Variants in JAKMIP1 observed in about 807,000 individuals in gnomAD.
JAKMIP1 encodes the protein janus kinase and microtubule-interacting protein 1.
A neutral mutation model predicts 113.0 loss-of-function variants in JAKMIP1; 33 were observed. The observed-to-expected ratio is 0.29, with a 90% CI of 0.22 to 0.39. JAKMIP1 has a LOEUF of 0.39. Among genes scored for constraint, JAKMIP1 ranks in the 10% least tolerant of loss-of-function variants. JAKMIP1 has a pLI of 1.00. For missense variants in JAKMIP1, 813 were observed against 1,080.5 expected, an observed-to-expected ratio of 0.75 and a Z score of 3.47; for synonymous variants, 480 against 459.9, an observed-to-expected ratio of 1.04 and a Z score of -0.56.
intron 1 of JAKMIP1, among the ~76,000 whole-genome samples, chr4:6,161,041 A>C (rs1578421435): frequency 9.2e-6 from 1 of 108,576 alleles, no homozygotes; most frequent in Non-Finnish European, 1.9e-5. Flanking sequence ...ACCTCCACTC[A>C]CCTCCCCAAC....
chr4:6,113,924 G>A (rs1472549544), intron 1 of JAKMIP1, among the ~76,000 whole-genome samples: 1 of 149,634 alleles, frequency 6.7e-6, no homozygotes, highest in Admixed American at 6.6e-5. Flanking sequence ...TCCGCCAGGT[G>A]CGTGAATGAA....
rs765367240 is a variant in JAKMIP1 at position 6,062,476 on chromosome 4, G to A, written c.1432-36C>T. ...TGGAGAAGAAAACAAATAATCAAGT[G>A]CAAAATTACAATAATAAATGATTTA... On this transcript the variant is annotated intron_variant, in intron 9 of 20. Coordinates refer to ENST00000409021, the MANE Select transcript of JAKMIP1 (RefSeq NM_001099433.2). The A allele has an allele frequency of 7.6e-6, 12 of 1,582,358 alleles. No individual in the cohort carries two copies. The East Asian group carries it at 2.7e-4, about 36-fold the overall frequency.
intron 3 of JAKMIP1, among the ~76,000 whole-genome samples, chr4:6,095,569 T>G (rs1452568369): frequency 6.6e-6 from 1 of 152,136 alleles, no homozygotes; most frequent in Non-Finnish European, 1.5e-5. Context: ...CAAGTCCCTA[T>G]AGCTTGTCAT....
rs1035129742 is a variant in JAKMIP1, at chr4:6,193,402, A to T, written c.-148+6851T>A. On this transcript the variant is annotated intron_variant, in intron 1 of 20. Transcript: ENST00000409021. The surrounding 1 kb of genome is among the most constrained non-coding windows in gnomAD (Gnocchi z 6.4). The stretch of plus-strand genomic sequence containing the variant: ...AATAAACTCCTTTTCATATACACAT[A>T]TATCCGATTAGTTCTGTCTCTCTAG... Among the ~76,000 whole-genome samples, 1 of 152,174 alleles carries T rather than the reference A, an allele frequency of 6.6e-6. No individual in the cohort carries two copies. Among genetic ancestry groups the T allele is most frequent in the African/African-American group, 2.4e-5 (1 of 41,422 alleles).
At chr4:6,048,973 G>A (rs1320288502) in intron 15 of JAKMIP1, 51 bp from the exon 16 acceptor site, 13 of 1,388,172 alleles carry the variant, frequency 9.4e-6, no homozygotes, top group South Asian at 1.2e-5. Context: ...CCAAATCCAC[G>A]TGCAGACAGT....
In JAKMIP1 at chr4:6,140,767, T is replaced by A. The variant is rs1720028054; in HGVS notation, c.-147-27770A>T. Among the ~76,000 whole-genome samples, 1 of 152,172 alleles carries A rather than the reference T, an allele frequency of 6.6e-6. No individual in the cohort carries two copies. The highest frequency in any genetic ancestry group is 2.1e-4 in the South Asian group (1 of 4,830). ...ATAATATTTCTCTCGTCTGGTGTCA[T>A]CCTTTGGGCAATAAGAAAGATGCAA... is the stretch of plus-strand genomic sequence containing the variant. On this transcript the variant is annotated intron_variant, in intron 1 of 20. Transcript: ENST00000409021. The surrounding 1 kb of genome is among the most constrained non-coding windows in gnomAD (Gnocchi z 9.4).
chr4:6,096,922 C>T (rs934792004), intron 3 of JAKMIP1, among the ~76,000 whole-genome samples: 2 of 152,176 alleles, frequency 1.3e-5, no homozygotes, highest in Non-Finnish European at 2.9e-5. Flanking sequence ...ATTGAAACAT[C>T]GGAAGGCAAA....
In JAKMIP1 at chr4:6,054,116, C is replaced by T; in HGVS notation, c.1740G>A (p.Leu580=). ...IYRLEMEENQ[L]KNEMQDAKDQ... The stretch of plus-strand genomic sequence containing the variant: ...CCTTGGCGTCTTGCATTTCATTCTT[C>T]AGCTGGTTCTCTTCCATTTCCAGTC... The change falls in exon 13 of 21, where the codon CTG becomes CTA. Residue 580 remains leucine (L), a synonymous_variant. Coordinates refer to ENST00000409021, the MANE Select transcript of JAKMIP1 (RefSeq NM_001099433.2). 6.2e-7 allele frequency: 1 copy of T among 1,614,182 alleles called. No homozygotes were observed. Among genetic ancestry groups the T allele is most frequent in the Non-Finnish European group, 8.5e-7 (1 of 1,180,016 alleles).
intron 2 of JAKMIP1, among the ~76,000 whole-genome samples, chr4:6,112,478 G>A (rs1336171954): frequency 6.6e-6 from 1 of 152,166 alleles, no homozygotes; most frequent in South Asian, 2.1e-4. Flanking sequence ...CATCTTGCAG[G>A]TAAGAGAAAT....
intron 18 of JAKMIP1, among the ~76,000 whole-genome samples, chr4:6,036,919 C>A (rs1713527006): frequency 6.6e-6 from 1 of 151,878 alleles, no homozygotes; most frequent in Admixed American, 6.5e-5. Context: ...TAACCATTAG[C>A]CCTCCATCAC....
chr4:6,173,454 A>G (rs1184101968), intron 1 of JAKMIP1, among the ~76,000 whole-genome samples: 1 of 152,218 alleles, frequency 6.6e-6, no homozygotes, highest in Non-Finnish European at 1.5e-5. Flanking sequence ...TGAACTATGG[A>G]GCAAGCATTC....
At chr4:6,161,314 T>C (rs896988974) in intron 1 of JAKMIP1, among the ~76,000 whole-genome samples, 2 of 137,874 alleles carry the variant, frequency 1.5e-5, no homozygotes, top group Non-Finnish European at 3.0e-5. Context: ...CTGACTTCTA[T>C]GGCCTCCACT....
At chr4:6,122,233 G>T (rs1345140151) in intron 1 of JAKMIP1, among the ~76,000 whole-genome samples, 1 of 152,190 alleles carries the variant, frequency 6.6e-6, no homozygotes, top group Admixed American at 6.5e-5. Flanking sequence ...GGCCGAGGCA[G>T]GAGATTCGCT....
At position 6,129,753 on chromosome 4, in the gene JAKMIP1, C is replaced by T. The variant is rs1353385427; in HGVS notation, c.-147-16756G>A. Among the ~76,000 whole-genome samples, 4 of 152,208 alleles carry T rather than the reference C, an allele frequency of 2.6e-5. No individual in the cohort carries two copies. Among genetic ancestry groups the T allele is most frequent in the African/African-American group, 7.2e-5 (3 of 41,448 alleles). ...AGATTTCTCCATGAAGCACAACTCC[C>T]GCCCCTAGAAAAGTATTCTGAGGTC... On this transcript the variant is annotated intron_variant, in intron 1 of 20. Coordinates refer to ENST00000409021, the MANE Select transcript of JAKMIP1 (RefSeq NM_001099433.2). The surrounding 1 kb of genome is among the most constrained non-coding windows in gnomAD (Gnocchi z 5.4).
In JAKMIP1 at chr4:6,041,824, T is replaced by C. The variant is rs1341844755; in HGVS notation, c.2097+335A>G. On this transcript the variant is annotated intron_variant, in intron 17 of 20. Coordinates refer to ENST00000409021, the MANE Select transcript of JAKMIP1 (RefSeq NM_001099433.2). ...GGCTGTGTCTCTCCTAACATCCTCA[T>C]GCTGCATTCACGTGAGCTCATGAAC... Among the ~76,000 whole-genome samples, 3 of 152,218 alleles carry C rather than the reference T, an allele frequency of 2.0e-5. No individual in the cohort carries two copies. The South Asian group carries it at 6.2e-4, about 32-fold the overall frequency.
chr4:6,127,177 C>T (rs141217261), intron 1 of JAKMIP1, among the ~76,000 whole-genome samples: 198 of 152,298 alleles, frequency 1.3e-3, no homozygotes, highest in African/African-American at 4.5e-3. Context: ...CCTGGCACGT[C>T]GCCTGGCCAG....
In JAKMIP1 at chr4:6,158,154, ACGGATCGCCTCACAG is replaced by A. The variant is rs1213285843; in HGVS notation, c.-148+42084_-148+42098del. ...GACCTGGAACGCAAGGATGGGGAGA[ACGGATCGCCTCACAG>A]TGTGGAGGGCAGACCATGCTGTAGG... is the stretch of plus-strand genomic sequence containing the variant. On this transcript the variant is annotated intron_variant, in intron 1 of 20. Transcript: ENST00000409021. The surrounding 1 kb of genome is among the most constrained non-coding windows in gnomAD (Gnocchi z 5.3). Among the ~76,000 whole-genome samples the A allele has an allele frequency of 1.3e-5, 2 of 152,164 alleles. No homozygotes were observed. The highest frequency in any genetic ancestry group is 2.9e-5 in the Non-Finnish European group (2 of 68,028).
At position 6,112,883 on chromosome 4, in the gene JAKMIP1, C is replaced by T. The variant is rs112076014; in HGVS notation, c.-33G>A. The T allele has an allele frequency of 8.3e-4, 1,326 of 1,602,196 alleles. 10 individuals carry two copies. In the African/African-American group the frequency reaches 0.011, roughly 14 times the overall value. On this transcript the variant is annotated 5_prime_UTR_variant, in exon 2 of 21. Transcript: ENST00000409021. ...CTTGGGTCAGAGTGCTGAGATCCTG[C>T]GGTCCACACCTGTTCACGCACGCCA...
Position 6,192,864 on chromosome 4 carries a change from AAGG to A in JAKMIP1, c.-148+7386_-148+7388del, listed in dbSNP as rs1399835567. 6.6e-6 allele frequency among the ~76,000 whole-genome samples: 1 copy of A among 152,204 alleles called. No homozygotes were observed. Among genetic ancestry groups the A allele is most frequent in the East Asian group, 1.9e-4 (1 of 5,188 alleles). On this transcript the variant is annotated intron_variant, in intron 1 of 20. Transcript: ENST00000409021. This position sits in a 1 kb window ranked among gnomAD's most constrained non-coding sequence, Gnocchi z 5.0. ...ATCTGGGACAGTCAAAGACCTCCCC[AAGG>A]AGGAGAAATTTAGGCTGAGACATTG...
Sources: gnomAD v4.1 joint callset for allele counts (sites outside exome capture counted in the v4.1 genomes callset) on GRCh38, gnomAD v4.1.1 for gene constraint, Gnocchi (gnomAD v3.1) non-coding constraint, MANE v1.5 for transcripts, NCBI Gene and HGNC (gene_info 2026-07-23, HGNC 2026-07-21) for gene names.